FNDC3B: variants seen among roughly 807,000 people sequenced by gnomAD.
FNDC3B encodes the protein fibronectin type III domain containing 3B.
FNDC3B carries 12 observed loss-of-function variants against 151.5 expected under a neutral mutation model. The ratio of observed to expected loss-of-function variants is 0.08; its 90% CI spans 0.05 to 0.13. FNDC3B has a LOEUF of 0.13. Among genes scored for constraint, FNDC3B ranks in the 10% least tolerant of loss-of-function variants. The probability of loss-of-function intolerance (pLI) is 1.00; values close to 1 mark genes in which losing one functional copy is unlikely to be tolerated. For missense variants in FNDC3B, 1,214 were observed against 1,505.3 expected (o/e 0.81, Z 3.20); for synonymous variants, 528 against 549.0 (o/e 0.96, Z 0.54).
chr3:172,374,397 C>T (rs563938207), intron 23 of FNDC3B, among the ~76,000 whole-genome samples: 5 of 152,206 alleles, frequency 3.3e-5, no homozygotes, highest in African/African-American at 9.6e-5. Flanking sequence ...TATTTATTTA[C>T]TTATTTTATT....
At chr3:172,136,929 C>G (rs1311658173) in intron 3 of FNDC3B, among the ~76,000 whole-genome samples, 2 of 152,148 alleles carry the variant, frequency 1.3e-5, no homozygotes, top group African/African-American at 4.8e-5. Context: ...ACTGTGTTAA[C>G]CAGGATGGTC....
chr3:172,044,932 A>G (rs1165653714), intron 1 of FNDC3B, among the ~76,000 whole-genome samples: 1 of 152,222 alleles, frequency 6.6e-6, no homozygotes, highest in Admixed American at 6.5e-5. Flanking sequence ...TCAAGGAGTG[A>G]CTTTACTTTC....
chr3:172,081,611 TTC>T (rs938484466), intron 1 of FNDC3B, among the ~76,000 whole-genome samples: 1 of 152,232 alleles, frequency 6.6e-6, no homozygotes, highest in African/African-American at 2.4e-5. Flanking sequence ...TAGAAAAGTT[TTC>T]TTTTTCCTTA....
chr3:172,162,128 G>A (rs1016031566), intron 3 of FNDC3B, among the ~76,000 whole-genome samples: 4 of 151,862 alleles, frequency 2.6e-5, no homozygotes, highest in Admixed American at 1.3e-4. Flanking sequence ...CAGGCAATGC[G>A]CCACCATGCC....
intron 23 of FNDC3B, among the ~76,000 whole-genome samples, chr3:172,369,894 ATTCTCTCTCTCT>A (rs974826764): frequency 1.3e-5 from 2 of 151,136 alleles, no homozygotes; most frequent in Admixed American, 1.3e-4. Context: ...AACATACGAA[ATTCTCTCTCTCT>A]TTCTCTCTCT....
chr3:172,057,683 CTTTT>C (rs11348946), intron 1 of FNDC3B, among the ~76,000 whole-genome samples: 1 of 139,924 alleles, frequency 7.1e-6, no homozygotes, highest in Admixed American at 7.2e-5. Flanking sequence ...TAACATCTAC[CTTTT>C]TTTTTTTTTT....
chr3:172,072,382 A>G (rs1360247939), intron 1 of FNDC3B, among the ~76,000 whole-genome samples: 1 of 151,846 alleles, frequency 6.6e-6, no homozygotes, highest in Non-Finnish European at 1.5e-5. Flanking sequence ...TGTGGCTATC[A>G]GTATCTTGAC....
At chr3:172,260,847 G>A (rs1728609952) in intron 6 of FNDC3B, among the ~76,000 whole-genome samples, 1 of 152,058 alleles carries the variant, frequency 6.6e-6, no homozygotes, top group Non-Finnish European at 1.5e-5. Flanking sequence ...TTCTCTGTGT[G>A]AGCCCACAGA....
At chr3:172,157,507 C>T (rs939745873) in intron 3 of FNDC3B, among the ~76,000 whole-genome samples, 48 of 152,190 alleles carry the variant, frequency 3.2e-4, no homozygotes, top group Admixed American at 2.9e-3. Context: ...TGGAGTGGTT[C>T]TAGCACCAAA....
At position 172,341,205 on chromosome 3, in the gene FNDC3B, T is replaced by C; in HGVS notation, c.1945T>C (p.Cys649Arg). 1.2e-6 allele frequency: 2 copies of C among 1,614,164 alleles called. No homozygotes were observed. The highest frequency in any genetic ancestry group is 1.7e-6 in the Non-Finnish European group (2 of 1,179,974). ...CACTTTGTACAAACTCCGAGCATGC[T>C]GCATCAGTACCGGCGGACACAGCCA... ...PGTLYKLRACCISTGGHSQCS... is the reference protein window; with the variant it reads ...PGTLYKLRACRISTGGHSQCS... Residue 649 changes from cysteine to arginine, a missense_variant, in exon 17 of 26, where the codon TGC becomes CGC. Physicochemically the swap from Cys to Arg is radical, Grantham distance 180. Coordinates refer to ENST00000415807, the MANE Select transcript of FNDC3B (RefSeq NM_022763.4).
At chr3:172,356,770 C>A (rs1349997181) in intron 22 of FNDC3B, among the ~76,000 whole-genome samples, 1 of 152,070 alleles carries the variant, frequency 6.6e-6, no homozygotes, top group Non-Finnish European at 1.5e-5. Flanking sequence ...TGATTATTCT[C>A]TTCTTTCATG....
At chr3:172,346,189 G>T in intron 19 of FNDC3B, 138 bp from the exon 20 acceptor site, 1 of 451,500 alleles carries the variant, frequency 2.2e-6, no homozygotes, top group Non-Finnish European at 4.0e-6. Context: ...AAAATCATTG[G>T]GTAATATTTG....
At chr3:172,058,595 A>C (rs534936426) in intron 1 of FNDC3B, among the ~76,000 whole-genome samples, 69 of 152,166 alleles carry the variant, frequency 4.5e-4, no homozygotes, top group African/African-American at 1.6e-3. Flanking sequence ...TATATAATTC[A>C]TTCTAAGATA....
intron 6 of FNDC3B, among the ~76,000 whole-genome samples, chr3:172,270,250 C>G (rs948031599): frequency 6.6e-6 from 1 of 152,232 alleles, no homozygotes; most frequent in African/African-American, 2.4e-5. Flanking sequence ...GCTGGTCTCA[C>G]TGCTTTAGCT....
intron 3 of FNDC3B, chr3:172,187,022 A>G (rs1184325656): frequency 8.4e-6 from 3 of 357,224 alleles, no homozygotes; most frequent in Non-Finnish European, 1.5e-5. Context: ...GATGATGCTT[A>G]TTAGTCCACC....
chr3:172,358,453 C>T (rs1031104119), intron 22 of FNDC3B, among the ~76,000 whole-genome samples: 1 of 152,254 alleles, frequency 6.6e-6, no homozygotes. Context: ...ATCTTTGTCT[C>T]ACTCTCACCT....
chr3:172,136,692 C>G (rs977262475), intron 3 of FNDC3B, among the ~76,000 whole-genome samples: 4 of 152,198 alleles, frequency 2.6e-5, no homozygotes, highest in Non-Finnish European at 5.9e-5. Context: ...TCTTTGAACA[C>G]TGGCCAACAG....
intron 9 of FNDC3B, among the ~76,000 whole-genome samples, chr3:172,305,190 A>G (rs76773954): frequency 0.018 from 2,793 of 152,186 alleles, 88 homozygotes; most frequent in African/African-American, 0.064. Flanking sequence ...CCTATAAACT[A>G]TATTACCATC....
chr3:172,191,089 A>G (rs1009112524), intron 3 of FNDC3B, among the ~76,000 whole-genome samples: 22 of 152,252 alleles, frequency 1.4e-4, no homozygotes, highest in Non-Finnish European at 2.8e-4. Context: ...ACTGTAGAAT[A>G]TAACCAACCC....
Sources: gnomAD v4.1 joint callset for allele counts (sites outside exome capture counted in the v4.1 genomes callset) on GRCh38, gnomAD v4.1.1 for gene constraint, MANE v1.5 for transcripts, NCBI Gene and HGNC (gene_info 2026-07-23, HGNC 2026-07-21) for gene names.